Variants in TMEM143 observed in about 807,000 individuals in gnomAD.
TMEM143 encodes transmembrane protein 143.
In TMEM143, 45 loss-of-function variants were observed where a neutral mutation model predicts 40.3. The ratio of observed to expected loss-of-function variants is 1.12; its 90% CI spans 0.88 to 1.43. TMEM143 has a LOEUF of 1.43. TMEM143 is among the 40% of genes most tolerant of loss of function. The pLI is 0.00. For synonymous variants in TMEM143, 299 were observed against 282.7 expected (o/e 1.06, Z -0.58); for missense variants, 620 against 613.4 (o/e 1.01, Z -0.11).
chr19:48,343,493 C>CAGGA, intron 4 of TMEM143, 42 bp from the exon 5 acceptor site: 1 of 1,543,270 alleles, frequency 6.5e-7, no homozygotes, highest in Non-Finnish European at 8.8e-7. Flanking sequence ...TGAACATGGG[C>CAGGA]AGGAGTGTTG....
At position 48,333,872 on chromosome 19, in the gene TMEM143, G is replaced by T; in HGVS notation, c.1165+136C>A. 1.1e-6 allele frequency: 1 copy of T among 935,840 alleles called. No individual in the cohort carries two copies. Among genetic ancestry groups the T allele is most frequent in the Non-Finnish European group, 1.5e-6 (1 of 645,326 alleles). The allele number at this position is 935,840 out of a possible 1,614,324, so 58.0% of individuals were successfully genotyped here. The stretch of plus-strand genomic sequence containing the variant: ...ATCGGAGTCTGGATTCGGAGGTCCT[G>T]TCTGCTGAGGGCCGGGGTCTCTTCG... On this transcript the variant is annotated intron_variant, in intron 7 of 7. Transcript: ENST00000293261. This position sits in a 1 kb window ranked among gnomAD's most constrained non-coding sequence, Gnocchi z 4.1.
At chr19:48,344,240 G>C (rs34696388) in intron 4 of TMEM143, among the ~76,000 whole-genome samples, 133 of 146,666 alleles carry the variant, frequency 9.1e-4, no homozygotes, top group African/African-American at 3.2e-3. Context: ...TTAGGGGCTT[G>C]GTTTTTTTTT....
At chr19:48,335,626 G>C (rs546255153) in intron 6 of TMEM143, among the ~76,000 whole-genome samples, 1 of 152,300 alleles carries the variant, frequency 6.6e-6, no homozygotes, top group South Asian at 2.1e-4. Context: ...GGGAGGCTGA[G>C]GCAGGAGAAT....
In TMEM143 at chr19:48,333,257, C is replaced by T; in HGVS notation, c.1342G>A (p.Glu448Lys). 6.6e-7 allele frequency: 1 copy of T among 1,512,596 alleles called. No individual in the cohort carries two copies. The highest frequency in any genetic ancestry group is 9.0e-7 in the Non-Finnish European group (1 of 1,117,196). The allele number at this position is 1,512,596 out of a possible 1,614,324, so 93.7% of individuals were successfully genotyped here. The change falls in exon 8 of 8, where the codon GAG (glutamate) becomes AAG (lysine). Residue 448 changes from glutamate to lysine, a missense_variant. Glu to Lys is a moderately conservative substitution (Grantham distance 56). Transcript: ENST00000293261. This position sits in a 1 kb window ranked among gnomAD's most constrained non-coding sequence, Gnocchi z 4.1. ...CTGCTGGGCGTGGCTTGCGGGGGCT[C>T]GGAAGTGATCGGAGCCACTGGGTCT... ...KLDPVAPITS[E>K]PPQATPSSNI...
chr19:48,359,904 C>T (rs1600927937), intron 3 of TMEM143, 168 bp downstream of exon 3: 2 of 618,316 alleles, frequency 3.2e-6, no homozygotes, highest in East Asian at 5.8e-5. Flanking sequence ...CCTTGTCTCC[C>T]CACTTGGAAT....
rs1296117952 is a variant in TMEM143, at chr19:48,345,353, G to T, written c.371C>A (p.Ala124Asp). The T allele has an allele frequency of 2.6e-6, 4 of 1,535,928 alleles. No individual in the cohort carries two copies. In the East Asian group the frequency reaches 9.4e-5, roughly 36 times the overall value. Residue 124 changes from alanine to aspartate, a missense_variant and splice_region_variant, in exon 4 of 8, where the codon GCC becomes GAC. By Grantham distance (126) the Ala-to-Asp change is moderately radical. Transcript: ENST00000293261. ...HYHQILARLQ[A>D]LYDPINPDRE... The stretch of plus-strand genomic sequence containing the variant: ...GTCAGGGTTGATGGGGTCATATAAG[G>T]CCTAAGAGGAGAGTCAGAGAGAAAA...
chr19:48,357,377 C>T (rs1176271114), intron 3 of TMEM143, among the ~76,000 whole-genome samples: 2 of 53,908 alleles, frequency 3.7e-5, no homozygotes, highest in Non-Finnish European at 6.9e-5. Context: ...TTTTCTGAGA[C>T]GGAGTCTCAC....
chr19:48,343,352 C>A lies in TMEM143; in HGVS notation c.664G>T (p.Gly222Cys). 18 of 1,610,756 alleles carry A rather than the reference C, an allele frequency of 1.1e-5. No individual in the cohort carries two copies. The highest frequency in any genetic ancestry group is 1.5e-5 in the Non-Finnish European group (18 of 1,179,092). ...GCAGGGGGCAGCTTGGTGAAGAAGC[C>A]ACGCCTGGAGCCCACGCTGGACTTC... ...PLKSSVGSRRGFFTKLPPAER... is the reference protein window; with the variant it reads ...PLKSSVGSRRCFFTKLPPAER... The change falls in exon 5 of 8, where the codon GGC becomes TGC. Residue 222 changes from glycine to cysteine, a missense_variant. Coordinates refer to ENST00000293261, the MANE Select transcript of TMEM143 (RefSeq NM_018273.4).
intron 3 of TMEM143, among the ~76,000 whole-genome samples, chr19:48,357,514 C>T (rs1292017521): frequency 1.3e-5 from 2 of 151,780 alleles, no homozygotes; most frequent in Admixed American, 6.6e-5. Flanking sequence ...CCACCACGCC[C>T]GGCTAATTTT....
Position 48,333,888 on chromosome 19 carries a change from G to C in TMEM143, c.1165+120C>G. The C allele has an allele frequency of 9.1e-7, 1 of 1,093,730 alleles. No homozygotes were observed. Among genetic ancestry groups the C allele is most frequent in the Non-Finnish European group, 1.3e-6 (1 of 788,920 alleles). The allele number at this position is 1,093,730 out of a possible 1,614,324, so 67.8% of individuals were successfully genotyped here. ...GGAGGTCCTGTCTGCTGAGGGCCGG[G>C]GTCTCTTCGCAAACCCGTCAGGTTC... is the stretch of plus-strand genomic sequence containing the variant. On this transcript the variant is annotated intron_variant, in intron 7 of 7. Coordinates refer to ENST00000293261, the MANE Select transcript of TMEM143 (RefSeq NM_018273.4). The surrounding 1 kb of genome is among the most constrained non-coding windows in gnomAD (Gnocchi z 4.1).
rs751345720 is a variant in TMEM143, at chr19:48,363,914, C to G, written c.7G>C (p.Val3Leu). The change falls in exon 1 of 8, where the codon GTC becomes CTC. Residue 3 changes from valine to leucine, a missense_variant. Transcript: ENST00000293261. Reference protein sequence around the residue: MTVELWLRLRGKG... With the variant: MTLELWLRLRGKG... The stretch of plus-strand genomic sequence containing the variant: ...CTCCCTCACCTTAGCCAAAGCTCGA[C>G]TGTCATTGAGCCTCCTGCGCATGTG... 1.2e-6 allele frequency: 2 copies of G among 1,613,832 alleles called. No homozygotes were observed. The highest frequency in any genetic ancestry group is 3.3e-5 in the Admixed American group (2 of 59,984).
chr19:48,350,515 C>T (rs924804212), intron 3 of TMEM143, among the ~76,000 whole-genome samples: 2 of 152,084 alleles, frequency 1.3e-5, no homozygotes, highest in Non-Finnish European at 2.9e-5. Context: ...GATTCATGAC[C>T]GTCCCCACCA....
At position 48,360,108 on chromosome 19, in the gene TMEM143, G is replaced by A; in HGVS notation, c.333C>T (p.Thr111=). The change falls in exon 3 of 8, where the codon ACC becomes ACT. Residue 111 remains threonine, a synonymous_variant. Transcript: ENST00000293261. ...EAFSAHVDFC[T]LFHYHQILAR... is the part of the protein sequence containing the mutation. ...CCAGGATTTGGTGGTAGTGGAACAG[G>A]GTGCAGAAGTCCACGTGGGCCGAGA... 1 of 1,614,118 alleles carries A rather than the reference G, an allele frequency of 6.2e-7. No individual in the cohort carries two copies. The highest frequency in any genetic ancestry group is 8.5e-7 in the Non-Finnish European group (1 of 1,180,014).
At chr19:48,339,266 A>G (rs1407203233) in intron 6 of TMEM143, among the ~76,000 whole-genome samples, 1 of 152,080 alleles carries the variant, frequency 6.6e-6, no homozygotes. Flanking sequence ...AGCCCAGAAG[A>G]GAAGATGTCA....
chr19:48,353,982 A>G (rs8103065), intron 3 of TMEM143, among the ~76,000 whole-genome samples: 6,905 of 151,722 alleles, frequency 0.046, 239 homozygotes, highest in African/African-American at 0.074. Flanking sequence ...TTTTTGAGAC[A>G]TAGTCTCACT....
chr19:48,339,105 G>A (rs1178065243), intron 6 of TMEM143, among the ~76,000 whole-genome samples: 1 of 152,192 alleles, frequency 6.6e-6, no homozygotes, highest in Non-Finnish European at 1.5e-5. Flanking sequence ...GGAGGGGCAG[G>A]GCAGGACTGG....
In TMEM143 at chr19:48,334,523, CTT is replaced by C. The variant is rs1175933381; in HGVS notation, c.976-328_976-327del. ...TTCTTTCTTTCTTTTCTTTCTTTCT[CTT>C]TCTTTCTTTTCTTTTCTTTCTTTCT... On this transcript the variant is annotated intron_variant, in intron 6 of 7. Transcript: ENST00000293261. 4.6e-5 allele frequency among the ~76,000 whole-genome samples: 6 copies of C among 130,866 alleles called. No individual in the cohort carries two copies. In the East Asian group the frequency reaches 1.1e-3, roughly 24 times the overall value. 85.9% of individuals were successfully genotyped at this position (130,866 alleles called of 152,430 possible).
intron 6 of TMEM143, among the ~76,000 whole-genome samples, chr19:48,336,481 C>T (rs1969369417): frequency 1.3e-5 from 2 of 150,888 alleles, no homozygotes; most frequent in African/African-American, 2.4e-5. Context: ...GCCAGGATTG[C>T]GCCACTGCAC....
chr19:48,334,428 T>TTTTCTC, intron 6 of TMEM143, among the ~76,000 whole-genome samples: 1 of 50,306 alleles, frequency 2.0e-5, no homozygotes, highest in Non-Finnish European at 3.9e-5. Context: ...CTTTCTTTCT[T>TTTTCTC]TCTTTCTTTC....
Sources: allele counts gnomAD v4.1 joint callset (sites outside exome capture counted in the v4.1 genomes callset), GRCh38; gene constraint gnomAD v4.1.1; non-coding constraint Gnocchi (gnomAD v3.1); transcripts MANE v1.5; gene names NCBI Gene and HGNC (gene_info 2026-07-23, HGNC 2026-07-21).